VWA8: variants seen among roughly 807,000 people sequenced by gnomAD.
The protein encoded by VWA8 is von Willebrand factor A domain-containing protein 8.
In VWA8, 221 loss-of-function variants were observed where a neutral mutation model predicts 241.5. The observed-to-expected ratio is 0.91, with a 90% CI of 0.82 to 1.02. The LOEUF (loss-of-function observed/expected upper bound fraction) is 1.02, where lower values mean the gene tolerates loss of function less well. Among genes scored for constraint, VWA8 ranks in the 50% least tolerant of loss-of-function variants. VWA8 has a pLI of 0.00. For missense variants in VWA8, 2,322 were observed against 2,328.7 expected, an observed-to-expected ratio of 1.00 and a Z score of 0.06; for synonymous variants, 852 against 827.1, an observed-to-expected ratio of 1.03 and a Z score of -0.52.
chr13:41,785,981 T>C (rs1869172506), intron 18 of VWA8, among the ~76,000 whole-genome samples: 1 of 152,122 alleles, frequency 6.6e-6, no homozygotes, highest in African/African-American at 2.4e-5. Context: ...TCATCCAATG[T>C]TTATTGTTAA....
chr13:41,863,384 G>A (rs926159726), intron 12 of VWA8, among the ~76,000 whole-genome samples: 1 of 135,910 alleles, frequency 7.4e-6, no homozygotes, highest in African/African-American at 2.8e-5. Flanking sequence ...GTGTGTGTGT[G>A]TATCTCCTAT....
intron 2 of VWA8, among the ~76,000 whole-genome samples, chr13:41,924,950 C>T (rs1876760234): frequency 1.3e-5 from 2 of 150,464 alleles, no homozygotes; most frequent in South Asian, 4.1e-4. Flanking sequence ...ATCCAATAAG[C>T]TATTCTCCAA....
intron 12 of VWA8, among the ~76,000 whole-genome samples, chr13:41,862,488 T>C (rs941773780): frequency 6.6e-6 from 1 of 152,154 alleles, no homozygotes; most frequent in Non-Finnish European, 1.5e-5. Flanking sequence ...CAAAAGGAGC[T>C]ATCAGCAAAG....
At chr13:41,830,773 C>T (rs1871416285) in intron 13 of VWA8, 131 bp from the exon 14 acceptor site, 1 of 714,542 alleles carries the variant, frequency 1.4e-6, no homozygotes, top group African/African-American at 1.8e-5. Context: ...TTAGATGGAC[C>T]TTTCAAAATT....
At chr13:41,778,283 C>T (rs953690694) in intron 19 of VWA8, among the ~76,000 whole-genome samples, 1 of 152,136 alleles carries the variant, frequency 6.6e-6, no homozygotes, top group African/African-American at 2.4e-5. Context: ...AACTAAGCAA[C>T]TGACCAACAT....
At chr13:41,850,527 G>C (rs1566481065) in intron 12 of VWA8, among the ~76,000 whole-genome samples, 1 of 152,138 alleles carries the variant, frequency 6.6e-6, no homozygotes, top group Admixed American at 6.5e-5. Context: ...ATCAACCCAA[G>C]TTCAGGCTGT....
At chr13:41,806,677 T>C (rs1001876563) in intron 17 of VWA8, among the ~76,000 whole-genome samples, 4 of 151,870 alleles carry the variant, frequency 2.6e-5, no homozygotes, top group Non-Finnish European at 4.4e-5. Flanking sequence ...CACTCCAGCC[T>C]GGGCAACAGA....
chr13:41,950,372 T>C (rs564041003), intron 1 of VWA8, among the ~76,000 whole-genome samples: 30 of 152,176 alleles, frequency 2.0e-4, no homozygotes, highest in Non-Finnish European at 4.1e-4. Flanking sequence ...AAAATCTTTT[T>C]TTTTTTTTGT....
chr13:41,836,514 T>C (rs1871737414), intron 12 of VWA8, among the ~76,000 whole-genome samples: 2 of 149,818 alleles, frequency 1.3e-5, no homozygotes, highest in South Asian at 4.2e-4. Context: ...ACTGGTAACA[T>C]TTTTTTTTTA....
At chr13:41,709,147 A>C (rs1343536822) in intron 26 of VWA8, among the ~76,000 whole-genome samples, 3 of 152,232 alleles carry the variant, frequency 2.0e-5, no homozygotes, top group African/African-American at 7.2e-5. Flanking sequence ...AAACTCTACT[A>C]TGAATATAGC....
At chr13:41,871,487 G>A (rs1178239330) in intron 9 of VWA8, among the ~76,000 whole-genome samples, 4 of 152,060 alleles carry the variant, frequency 2.6e-5, no homozygotes, top group Non-Finnish European at 5.9e-5. Context: ...CCCAGAGTGT[G>A]ATGTTCCCCT....
chr13:41,689,552 C>A, intron 33 of VWA8, 44 bp from the exon 34 acceptor site: 4 of 1,446,954 alleles, frequency 2.8e-6, no homozygotes, highest in South Asian at 3.2e-5. Context: ...CTGAAATGCT[C>A]CAGGAATTAA....
chr13:41,781,937 T>C (rs1452023457), intron 19 of VWA8, among the ~76,000 whole-genome samples: 2 of 152,152 alleles, frequency 1.3e-5, no homozygotes, highest in African/African-American at 4.8e-5. Context: ...CAACAGGGCA[T>C]AGGACAACAA....
At chr13:41,711,942 C>CTT (rs58734034) in intron 26 of VWA8, among the ~76,000 whole-genome samples, 5,742 of 146,226 alleles carry the variant, frequency 0.039, 343 homozygotes, top group African/African-American at 0.13. Context: ...AATGCAAACA[C>CTT]TTTTTTTTTT....
chr13:41,959,510 A>AC (rs1555249160), intron 1 of VWA8, among the ~76,000 whole-genome samples: 9 of 149,960 alleles, frequency 6.0e-5, no homozygotes, highest in African/African-American at 2.2e-4. Flanking sequence ...AAAAAAAAAA[A>AC]CAAAAAGTAA....
intron 7 of VWA8, among the ~76,000 whole-genome samples, chr13:41,886,407 A>T (rs929588117): frequency 6.6e-6 from 1 of 152,076 alleles, no homozygotes; most frequent in African/African-American, 2.4e-5. Context: ...CAAAAAAAAA[A>T]CACTTGTTGT....
chr13:41,635,861 A>G (rs2044753336), intron 37 of VWA8, among the ~76,000 whole-genome samples: 1 of 152,108 alleles, frequency 6.6e-6, no homozygotes, highest in African/African-American at 2.4e-5. Context: ...TTTCAGGCAG[A>G]AGGAACAGCA....
chr13:41,742,612 C>G (rs1005451737), intron 21 of VWA8, among the ~76,000 whole-genome samples: 1 of 152,142 alleles, frequency 6.6e-6, no homozygotes, highest in Non-Finnish European at 1.5e-5. Context: ...AATGCAAAAC[C>G]CTTTTTGTTC....
At chr13:41,862,326 C>T (rs1873043774) in intron 12 of VWA8, among the ~76,000 whole-genome samples, 1 of 152,126 alleles carries the variant, frequency 6.6e-6, no homozygotes, top group African/African-American at 2.4e-5. Flanking sequence ...AAATCTAAGA[C>T]CTAAAACATA....
Sources: gnomAD v4.1 joint callset for allele counts (sites outside exome capture counted in the v4.1 genomes callset) on GRCh38, gnomAD v4.1.1 for gene constraint, MANE v1.5 for transcripts, NCBI Gene and HGNC (gene_info 2026-07-23, HGNC 2026-07-21) for gene names.